PLCG2: variants seen among roughly 807,000 people sequenced by gnomAD.
PLCG2 encodes 1-phosphatidylinositol 4,5-bisphosphate phosphodiesterase gamma-2.
In PLCG2, 69 loss-of-function variants were observed where a neutral mutation model predicts 175.6. The ratio of observed to expected loss-of-function variants is 0.39; its 90% confidence interval spans 0.32 to 0.48. The LOEUF (loss-of-function observed/expected upper bound fraction) is 0.48. Ranked by LOEUF, PLCG2 falls within the 20% of genes least tolerant of loss-of-function variation. The pLI, the probability that PLCG2 is intolerant of heterozygous loss-of-function variation, is 0.91. For missense variants in PLCG2, 1,798 were observed against 1,650.9 expected (o/e 1.09, Z -1.54); for synonymous variants, 827 against 624.0 (o/e 1.33, Z -4.85).
intron 1 of PLCG2, chr16:81,782,983 G>A (rs1026489408): frequency 2.6e-6 from 1 of 389,894 alleles, no homozygotes. Flanking sequence ...GACGCAGCAT[G>A]GAAGTCTGGT....
chr16:81,876,043 T>TA (rs1944843306), intron 7 of PLCG2, among the ~76,000 whole-genome samples: 2 of 147,586 alleles, frequency 1.4e-5, no homozygotes, highest in African/African-American at 5.0e-5. Flanking sequence ...TTTTTGTTTT[T>TA]GAGACAGGGT....
At chr16:81,931,438 C>A in intron 24 of PLCG2, 59 bp from the exon 25 acceptor site, 1 of 1,550,350 alleles carries the variant, frequency 6.5e-7, no homozygotes, top group Non-Finnish European at 8.8e-7. Context: ...AGGGTGCAGT[C>A]TGGTCTTTGT....
intron 17 of PLCG2, 152 bp downstream of exon 17, chr16:81,908,743 G>C: frequency 1.6e-6 from 1 of 643,768 alleles, no homozygotes; most frequent in Non-Finnish European, 2.7e-6. Flanking sequence ...CGGGACAAGG[G>C]TGAGGTGGGT....
chr16:81,769,117 A>G (rs1910216879), intron 2 of PLCG2, among the ~76,000 whole-genome samples: 1 of 152,186 alleles, frequency 6.6e-6, no homozygotes, highest in Non-Finnish European at 1.5e-5. Flanking sequence ...AACAGTGCTT[A>G]AGGTAAGTTT....
chr16:81,951,943 C>T (rs936876850), intron 31 of PLCG2, among the ~76,000 whole-genome samples: 22 of 152,038 alleles, frequency 1.4e-4, no homozygotes, highest in African/African-American at 4.8e-4. Flanking sequence ...AACAGGAAGA[C>T]TTCAATTTTA....
Position 81,935,718 on chromosome 16 carries a change from C to T in PLCG2, c.2843-451C>T, listed in dbSNP as rs1910678885. The stretch of plus-strand genomic sequence containing the variant: ...CTTCCCTCTCCTCCTGTTCTCCCTT[C>T]CCTGCACAGGCACCCACATTGCAAC... On this transcript the variant is annotated intron_variant, in intron 26 of 32. Transcript: ENST00000564138. The T allele has an allele frequency of 5.1e-6, 5 of 985,330 alleles. No individual in the cohort carries two copies. In the South Asian group the frequency reaches 1.9e-4, roughly 37 times the overall value. 61.0% of individuals were successfully genotyped at this position (985,330 alleles called of 1,614,324 possible).
In PLCG2 at chr16:81,940,159, G is replaced by A. The variant is rs1034579161; in HGVS notation, c.3481+100G>A. ...AATGAAAAATGATTTTTCCTGGTTTGGATGGAATCACTGTAAAACCGATTG... is the reference window on the plus strand; with the variant it reads ...AATGAAAAATGATTTTTCCTGGTTTAGATGGAATCACTGTAAAACCGATTG... On this transcript the variant is annotated intron_variant, in intron 30 of 32. Coordinates refer to ENST00000564138, the MANE Select transcript of PLCG2 (RefSeq NM_002661.5). The A allele has an allele frequency of 1.1e-5, 12 of 1,089,262 alleles. No individual in the cohort carries two copies. The Admixed American group carries it at 1.8e-4, about 16-fold the overall frequency. The allele number at this position is 1,089,262 out of a possible 1,614,324, so 67.5% of individuals were successfully genotyped here.
chr16:81,744,022 C>G (rs1158032438), intron 1 of PLCG2, among the ~76,000 whole-genome samples: 4 of 151,992 alleles, frequency 2.6e-5, no homozygotes, highest in Non-Finnish European at 4.4e-5. Flanking sequence ...CTGCACCCAG[C>G]TAATTTTTTG....
At chr16:81,740,900 A>G (rs2143041520) in intron 1 of PLCG2, among the ~76,000 whole-genome samples, 1 of 152,306 alleles carries the variant, frequency 6.6e-6, no homozygotes, top group South Asian at 2.1e-4. Context: ...GAGTCCCTGG[A>G]TTCACCTTGC....
At chr16:81,749,046 C>T (rs1298890446) in intron 1 of PLCG2, among the ~76,000 whole-genome samples, 1 of 152,140 alleles carries the variant, frequency 6.6e-6, no homozygotes, top group Non-Finnish European at 1.5e-5. Flanking sequence ...GGCTGTGGTG[C>T]TCACTAAAGC....
intron 2 of PLCG2, among the ~76,000 whole-genome samples, chr16:81,771,344 C>T (rs1910277023): frequency 6.6e-6 from 1 of 152,198 alleles, no homozygotes; most frequent in Non-Finnish European, 1.5e-5. Context: ...CCTCCCATCT[C>T]AGCCTCCCAA....
intron 2 of PLCG2, among the ~76,000 whole-genome samples, chr16:81,827,068 G>T (rs543228019): frequency 6.6e-6 from 1 of 152,160 alleles, no homozygotes; most frequent in Non-Finnish European, 1.5e-5. Flanking sequence ...CCATGATTGT[G>T]CTGTGGCCTA....
chr16:81,844,482 C>T (rs905710011), intron 2 of PLCG2, among the ~76,000 whole-genome samples: 29 of 151,932 alleles, frequency 1.9e-4, no homozygotes, highest in Admixed American at 1.2e-3. Flanking sequence ...CCCCCATGCC[C>T]GGCTAATTTT....
chr16:81,941,705 T>C (rs1042702776), intron 30 of PLCG2, among the ~76,000 whole-genome samples: 2 of 147,522 alleles, frequency 1.4e-5, no homozygotes, highest in African/African-American at 2.5e-5. Context: ...AACTCCCCCT[T>C]TTTTTTTTTT....
chr16:81,893,961 CTTT>C (rs74264894), intron 12 of PLCG2, among the ~76,000 whole-genome samples, 167 bp downstream of exon 12: 4 of 134,568 alleles, frequency 3.0e-5, no homozygotes, highest in Admixed American at 7.4e-5. Context: ...TTTTTTCTTT[CTTT>C]TTTTTTTTTT....
In PLCG2 at chr16:81,908,306, C is replaced by G. The variant is rs1909466593; in HGVS notation, c.1558-110C>G. ...CGGGTGGGGACCAGCTGAGGCTGGC[C>G]TCTCTATGTTATCTGGTACCCTGGG... On this transcript the variant is annotated intron_variant, in intron 16 of 32. Transcript: ENST00000564138. The G allele has an allele frequency of 3.0e-6, 3 of 991,842 alleles. No homozygotes were observed. The Admixed American group carries it at 6.9e-5, about 23-fold the overall frequency. The allele number at this position is 991,842 out of a possible 1,614,324, so 61.4% of individuals were successfully genotyped here. A position where few individuals can be genotyped will look rare whatever the true frequency, so the allele number is the denominator to read the frequency against.
chr16:81,860,800 G>C (rs149278622), intron 5 of PLCG2, among the ~76,000 whole-genome samples: 1 of 152,102 alleles, frequency 6.6e-6, no homozygotes, highest in African/African-American at 2.4e-5. Flanking sequence ...GTAAAACCCT[G>C]TCTCTACTAA....
At chr16:81,746,162 G>A (rs1299532699) in intron 1 of PLCG2, among the ~76,000 whole-genome samples, 1 of 152,158 alleles carries the variant, frequency 6.6e-6, no homozygotes, top group East Asian at 1.9e-4. Flanking sequence ...GGGTGCTCAG[G>A]GCACTGTGGC....
chr16:81,948,187 T>C (rs1443359190), intron 31 of PLCG2, among the ~76,000 whole-genome samples: 1 of 152,220 alleles, frequency 6.6e-6, no homozygotes, highest in Non-Finnish European at 1.5e-5. Context: ...AAAAGGACCA[T>C]GTATTTTTAT....
Sources: allele counts gnomAD v4.1 joint callset (sites outside exome capture counted in the v4.1 genomes callset), GRCh38; gene constraint gnomAD v4.1.1; transcripts MANE v1.5; gene names NCBI Gene and HGNC (gene_info 2026-07-23, HGNC 2026-07-21).